Variants in TAF2 observed in about 807,000 individuals in gnomAD.
The protein encoded by TAF2 is transcription initiation factor TFIID subunit 2.
TAF2 carries 61 observed loss-of-function variants against 138.5 expected under a neutral mutation model. That is an observed-to-expected ratio of 0.44 (90% CI 0.36 to 0.54). The LOEUF (loss-of-function observed/expected upper bound fraction) is 0.54. Among genes scored for constraint, TAF2 ranks in the 20% least tolerant of loss-of-function variants. TAF2 has a pLI of 0.00. For missense variants in TAF2, 1,090 were observed against 1,427.9 expected (o/e 0.76, Z 3.81); for synonymous variants, 475 against 469.9 (o/e 1.01, Z -0.14).
At chr8:119,822,085 T>C (rs1482506763) in intron 2 of TAF2, among the ~76,000 whole-genome samples, 2 of 152,172 alleles carry the variant, frequency 1.3e-5, no homozygotes, top group African/African-American at 2.4e-5. Flanking sequence ...ATCTAGTATT[T>C]GCTTAATAAA....
chr8:119,790,500 T>A (rs1823345252), intron 11 of TAF2, among the ~76,000 whole-genome samples: 1 of 151,992 alleles, frequency 6.6e-6, no homozygotes, highest in South Asian at 2.1e-4. Context: ...GAAACTGAAC[T>A]TTACAGCAAA....
At chr8:119,742,013 T>TC (rs1819630317) in intron 25 of TAF2, among the ~76,000 whole-genome samples, 1 of 152,204 alleles carries the variant, frequency 6.6e-6, no homozygotes, top group African/African-American at 2.4e-5. Flanking sequence ...TTCACAAACT[T>TC]AAGCCCAATT....
rs115229072 is a variant in TAF2, at chr8:119,789,277, A to G, written c.1568+315T>C. ...TACCACACCTCACAAGTAATCCTAC[A>G]GGTCTGTCTGGTAGATTACTTACCT... On this transcript the variant is annotated intron_variant, in intron 12 of 25. Transcript: ENST00000378164. 2.5e-3 allele frequency among the ~76,000 whole-genome samples: 376 copies of G among 152,336 alleles called. 3 individuals carry two copies. The highest frequency in any genetic ancestry group is 8.1e-3 in the African/African-American group (335 of 41,586).
At chr8:119,804,538 G>T (rs1287255572) in intron 4 of TAF2, among the ~76,000 whole-genome samples, 1 of 152,142 alleles carries the variant, frequency 6.6e-6, no homozygotes, top group African/African-American at 2.4e-5. Flanking sequence ...AGATCTGATG[G>T]TTTTCAAAAT....
Position 119,832,707 on chromosome 8 carries a change from C to G in TAF2, c.-143G>C, listed in dbSNP as rs1826545364. 2 of 669,088 alleles carry G rather than the reference C, an allele frequency of 3.0e-6. No individual in the cohort carries two copies. The highest frequency in any genetic ancestry group is 4.8e-6 in the Non-Finnish European group (2 of 414,104). 41.4% of individuals were successfully genotyped at this position (669,088 alleles called of 1,614,324 possible). A position where few individuals can be genotyped will look rare whatever the true frequency, so the allele number is the denominator to read the frequency against. On this transcript the variant is annotated 5_prime_UTR_variant, in exon 1 of 26. Coordinates refer to ENST00000378164, the MANE Select transcript of TAF2 (RefSeq NM_003184.4). ...GCCGGTGCCCAGGTGAGCGACCTGA[C>G]GGGTCGCTGCCCGCCTCAACCTCGC...
Position 119,781,086 on chromosome 8 carries a change from G to C in TAF2, c.2220C>G (p.Asn740Lys). 6.2e-7 allele frequency: 1 copy of C among 1,613,682 alleles called. No homozygotes were observed. The highest frequency in any genetic ancestry group is 8.5e-7 in the Non-Finnish European group (1 of 1,179,960). The change falls in exon 17 of 26, where the codon AAC (asparagine) becomes AAG (lysine). Residue 740 changes from asparagine to lysine, a missense_variant. By Grantham distance (94) the Asn-to-Lys change is moderately conservative. Coordinates refer to ENST00000378164, the MANE Select transcript of TAF2 (RefSeq NM_003184.4). ...GAAAATAGCTTTGAAAGCTCATAAAGTTGTTTGTTTTCACAATGTTTGGAC... is the reference window on the plus strand; with the variant it reads ...GAAAATAGCTTTGAAAGCTCATAAACTTGTTTGTTTTCACAATGTTTGGAC... ...KSCPNIVKTN[N>K]FMSFQSYFLQ...
intron 3 of TAF2, among the ~76,000 whole-genome samples, chr8:119,811,534 C>T (rs1016152310): frequency 5.3e-5 from 8 of 152,054 alleles, no homozygotes; most frequent in Non-Finnish European, 1.2e-4. Flanking sequence ...AGGCCGGGCA[C>T]GGTGGCTCAC....
chr8:119,801,855 G>A lies in TAF2; in HGVS notation c.731C>T (p.Ala244Val), dbSNP rs367888265. 48 of 1,614,018 alleles carry A rather than the reference G, an allele frequency of 3.0e-5. No homozygotes were observed. The highest frequency in any genetic ancestry group is 5.0e-5 in the Admixed American group (3 of 59,990). Residue 244 changes from alanine (A) to valine (V), a missense_variant, in exon 6 of 26, where the codon GCG becomes GTG. Transcript: ENST00000378164. ...TCCAATGGCCAAGGAGATATTTGAC[G>A]CTGCTGTAGGAATGGTAAGCATATA... is the stretch of plus-strand genomic sequence containing the variant. Reference protein sequence around the residue: ...FHYMLTIPTAASNISLAIGPF... With the variant: ...FHYMLTIPTAVSNISLAIGPF...
chr8:119,755,055 A>G (rs773544209), intron 22 of TAF2, among the ~76,000 whole-genome samples: 32 of 152,248 alleles, frequency 2.1e-4, no homozygotes, highest in Non-Finnish European at 4.0e-4. Context: ...TGTAGTAGGT[A>G]TCATTATCAC....
chr8:119,779,726 GTAAA>G (rs1425418091), intron 17 of TAF2, among the ~76,000 whole-genome samples: 7 of 152,090 alleles, frequency 4.6e-5, no homozygotes, highest in African/African-American at 1.7e-4. Context: ...CTTTTCCATC[GTAAA>G]TAAATTTCAA....
intron 16 of TAF2, among the ~76,000 whole-genome samples, chr8:119,781,842 C>G (rs1822684636): frequency 6.6e-6 from 1 of 152,070 alleles, no homozygotes; most frequent in Non-Finnish European, 1.5e-5. Context: ...TGCAGACAAC[C>G]ACACCTGGCT....
intron 19 of TAF2, chr8:119,761,872 G>C (rs1056876255): frequency 6.6e-6 from 1 of 151,680 alleles, no homozygotes; most frequent in Admixed American, 6.6e-5. Flanking sequence ...TACAGGAATA[G>C]TTTTAAGAAA....
rs1823769787 is a variant in TAF2 at position 119,795,619 on chromosome 8, C to T, written c.1104G>A (p.Trp368Ter). 6.2e-7 allele frequency: 1 copy of T among 1,613,504 alleles called. No homozygotes were observed. The highest frequency in any genetic ancestry group is 8.5e-7 in the Non-Finnish European group (1 of 1,179,782). ...FISRMSWSDE[W>*]VLKGISGYIY... ...TATAGCCTGAAATTCCCTTCAGCAC[C>T]CATTCATCAGACCTAAGCAAAAAGT... Residue 368 changes from tryptophan to a stop codon, truncating the protein, a stop_gained, in exon 9 of 26, where the codon TGG (tryptophan) becomes TGA (stop). Coordinates refer to ENST00000378164, the MANE Select transcript of TAF2 (RefSeq NM_003184.4). LOFTEE classifies it high-confidence loss of function.
intron 25 of TAF2, among the ~76,000 whole-genome samples, chr8:119,741,747 A>G (rs1003577364): frequency 5.3e-5 from 8 of 152,228 alleles, no homozygotes; most frequent in Non-Finnish European, 1.0e-4. Context: ...ATATAATCAG[A>G]AGTTCACAGA....
At chr8:119,802,399 T>G (rs1485025178) in intron 5 of TAF2, among the ~76,000 whole-genome samples, 1 of 152,234 alleles carries the variant, frequency 6.6e-6, no homozygotes, top group Non-Finnish European at 1.5e-5. Context: ...TTATAAAGCA[T>G]AACTAACATT....
At chr8:119,780,230 C>G (rs960535201) in intron 17 of TAF2, among the ~76,000 whole-genome samples, 2 of 152,156 alleles carry the variant, frequency 1.3e-5, no homozygotes, top group Non-Finnish European at 2.9e-5. Context: ...TTCCCATATC[C>G]TTTCCTAAAA....
rs149134577 is a variant in TAF2 at position 119,744,388 on chromosome 8, G to A, written c.3114C>T (p.Ser1038=). ...PQLVGFQNPF[S]SSQDEEEIDM... is the part of the protein sequence containing the mutation. ...CAATCTCCTCCTCATCTTGAGAACT[G>A]GAAAACTAAAACACACACACATAAA... Residue 1038 remains serine, a synonymous_variant, in exon 24 of 26, where the codon TCC becomes TCT. Transcript: ENST00000378164. 3.1e-5 allele frequency: 50 copies of A among 1,612,570 alleles called. 1 individual carries two copies. The highest frequency in any genetic ancestry group is 4.1e-5 in the Non-Finnish European group (48 of 1,179,464).
chr8:119,808,789 T>C (rs1288048105), intron 3 of TAF2, among the ~76,000 whole-genome samples: 3 of 152,210 alleles, frequency 2.0e-5, no homozygotes, highest in Non-Finnish European at 4.4e-5. Context: ...CAGTACCATA[T>C]TGAAAGGACT....
At chr8:119,811,754 C>T (rs969714085) in intron 3 of TAF2, among the ~76,000 whole-genome samples, 3 of 134,606 alleles carry the variant, frequency 2.2e-5, no homozygotes, top group Non-Finnish European at 4.6e-5. Flanking sequence ...TGCAGTGAGC[C>T]GGGATAGCGC....
Sources: allele counts gnomAD v4.1 joint callset (sites outside exome capture counted in the v4.1 genomes callset), GRCh38; gene constraint gnomAD v4.1.1; transcripts MANE v1.5; gene names NCBI Gene and HGNC (gene_info 2026-07-23, HGNC 2026-07-21).